The following ELOVL6 variants were observed in gnomAD, a reference collection of about 807,000 sequenced individuals.
ELOVL6 encodes the protein ELOVL fatty acid elongase 6, also known as very long chain fatty acid elongase 6.
ELOVL6 carries 8 observed loss-of-function variants against 31.7 expected under a neutral mutation model. That is an observed-to-expected ratio of 0.25 (90% CI 0.15 to 0.45). The LOEUF (loss-of-function observed/expected upper bound fraction) is 0.45, where lower values mean the gene tolerates loss of function less well. Ranked by LOEUF, ELOVL6 falls within the 20% of genes least tolerant of loss-of-function variation. ELOVL6 has a pLI of 1.00. For missense variants in ELOVL6, 126 were observed against 326.4 expected (o/e 0.39, Z 4.73); for synonymous variants, 101 against 117.7 (o/e 0.86, Z 0.92).
At chr4:110,084,218 CTTAT>C (rs767345185) in intron 2 of ELOVL6, among the ~76,000 whole-genome samples, 7,902 of 60,276 alleles carry the variant, frequency 0.13, 1,235 homozygotes, top group South Asian at 0.2. Context: ...TAACATATAA[CTTAT>C]ATGATATATA....
intron 1 of ELOVL6, among the ~76,000 whole-genome samples, chr4:110,179,362 T>C (rs1038836304): frequency 6.6e-6 from 1 of 151,716 alleles, no homozygotes; most frequent in African/African-American, 2.4e-5. Flanking sequence ...AAAAATTAGC[T>C]GGGTGTGGTG....
At chr4:110,103,932 C>T (rs1178004639) in intron 2 of ELOVL6, among the ~76,000 whole-genome samples, 2 of 152,096 alleles carry the variant, frequency 1.3e-5, no homozygotes, top group Non-Finnish European at 2.9e-5. Flanking sequence ...GAGTACTTAA[C>T]CTTTAGCCAT....
intron 2 of ELOVL6, among the ~76,000 whole-genome samples, chr4:110,101,677 G>A (rs772224279): frequency 1.3e-4 from 19 of 151,704 alleles, no homozygotes; most frequent in Admixed American, 2.0e-4. Flanking sequence ...TTATTCATTC[G>A]TTCATTTATT....
intron 1 of ELOVL6, among the ~76,000 whole-genome samples, chr4:110,183,490 A>T (rs181961476): frequency 4.1e-4 from 63 of 152,270 alleles, no homozygotes; most frequent in Non-Finnish European, 7.4e-4. Flanking sequence ...TTGAGACTAT[A>T]CCTCAGGCCA....
chr4:110,092,806 C>CAA (rs1420184957), intron 2 of ELOVL6, among the ~76,000 whole-genome samples: 1 of 151,986 alleles, frequency 6.6e-6, no homozygotes, highest in Admixed American at 6.6e-5. Context: ...TTGTAGTACA[C>CAA]ACACACACAC....
At chr4:110,167,747 G>A (rs1011446127) in intron 1 of ELOVL6, among the ~76,000 whole-genome samples, 2 of 152,032 alleles carry the variant, frequency 1.3e-5, no homozygotes, top group South Asian at 2.1e-4. Flanking sequence ...TGCTGCTCAG[G>A]CTGGTCTCAA....
At chr4:110,075,231 G>C (rs375689490) in intron 2 of ELOVL6, among the ~76,000 whole-genome samples, 1 of 152,294 alleles carries the variant, frequency 6.6e-6, no homozygotes, top group East Asian at 1.9e-4. Context: ...AAAAGAAATA[G>C]AATTGCCACA....
In ELOVL6 at chr4:110,045,981, T is replaced by C. The variant is rs1034249481; in HGVS notation, c.*5357A>G. ...GCTGTGATTTGCTCTGTGAGGCTTA[T>C]ATGGGTGGGCTTCCATATGAATATG... On this transcript the variant is annotated 3_prime_UTR_variant, in exon 4 of 4. Coordinates refer to ENST00000302274, the MANE Select transcript of ELOVL6 (RefSeq NM_024090.3). 3 of 152,198 alleles carry C rather than the reference T, an allele frequency of 2.0e-5. No homozygotes were observed. The highest frequency in any genetic ancestry group is 2.9e-5 in the Non-Finnish European group (2 of 68,040). 9.4% of individuals were successfully genotyped at this position (152,198 alleles called of 1,614,324 possible).
chr4:110,105,370 T>A, intron 2 of ELOVL6, 127 bp downstream of exon 2: 2 of 1,009,322 alleles, frequency 2.0e-6, no homozygotes, highest in Non-Finnish European at 2.9e-6. Flanking sequence ...GAACATGACT[T>A]TATTTTATGT....
intron 2 of ELOVL6, among the ~76,000 whole-genome samples, chr4:110,094,427 AT>A (rs1306822249): frequency 1.4e-4 from 9 of 63,986 alleles, no homozygotes; most frequent in African/African-American, 2.3e-4. Flanking sequence ...ATATATATAT[AT>A]ATATATATAT....
In ELOVL6 at chr4:110,068,964, G is replaced by A. The variant is rs112637598; in HGVS notation, c.222-9210C>T. Among the ~76,000 whole-genome samples the A allele has an allele frequency of 4.5e-3, 686 of 152,064 alleles. 3 individuals are homozygous for A. The highest frequency in any genetic ancestry group is 0.015 in the African/African-American group (633 of 41,500). On this transcript the variant is annotated intron_variant, in intron 2 of 3. Transcript: ENST00000302274. The stretch of plus-strand genomic sequence containing the variant: ...TTGAGACTGGCTTGGCTAACATGGC[G>A]AAACCTGTCTCTACTAAAAACACAA...
intron 3 of ELOVL6, among the ~76,000 whole-genome samples, chr4:110,057,822 G>C (rs1344035786): frequency 7.1e-6 from 1 of 141,140 alleles, no homozygotes; most frequent in African/African-American, 2.7e-5. Context: ...CTGCACTCCA[G>C]CCTCGGCAAC....
rs369101295 is a variant in ELOVL6 at position 110,105,489 on chromosome 4, A to C, written c.221+8T>G. On this transcript the variant is annotated splice_region_variant and intron_variant, in intron 2 of 3. Transcript: ENST00000302274. ...ATACGTTTTATTAGAAAAATGAAAA[A>C]AACCTACCTGAAGACTGCAAGGGTC... 6.2e-5 allele frequency: 99 copies of C among 1,589,270 alleles called. No individual in the cohort carries two copies. The highest frequency in any genetic ancestry group is 7.5e-5 in the Non-Finnish European group (88 of 1,172,368).
At chr4:110,196,179 C>T (rs1194763101) in intron 1 of ELOVL6, among the ~76,000 whole-genome samples, 2 of 152,186 alleles carry the variant, frequency 1.3e-5, no homozygotes, top group East Asian at 3.9e-4. Context: ...GGCGGGCGTA[C>T]AGTGAATGGG....
At chr4:110,175,262 A>G (rs1165502292) in intron 1 of ELOVL6, among the ~76,000 whole-genome samples, 1 of 152,084 alleles carries the variant, frequency 6.6e-6, no homozygotes. Context: ...GCACGCTTAT[A>G]ATCCCAGCTA....
chr4:110,131,925 T>C (rs1023650074), intron 1 of ELOVL6, among the ~76,000 whole-genome samples: 1 of 152,198 alleles, frequency 6.6e-6, no homozygotes, highest in Non-Finnish European at 1.5e-5. Context: ...ATTCTCTTGC[T>C]GAAATGGCCA....
chr4:110,090,600 C>T (rs117800675), intron 2 of ELOVL6, among the ~76,000 whole-genome samples: 1,853 of 103,268 alleles, frequency 0.018, 40 homozygotes, highest in African/African-American at 0.057. Flanking sequence ...GTTTGACTTT[C>T]TTTTTTTTTT....
chr4:110,079,008 G>C (rs1755746222), intron 2 of ELOVL6, among the ~76,000 whole-genome samples: 2 of 152,102 alleles, frequency 1.3e-5, no homozygotes, highest in Admixed American at 1.3e-4. Context: ...ATTACATAAT[G>C]GTAAAGGGAT....
chr4:110,115,555 G>A (rs1362652616), intron 1 of ELOVL6, among the ~76,000 whole-genome samples: 1 of 151,990 alleles, frequency 6.6e-6, no homozygotes, highest in Non-Finnish European at 1.5e-5. Flanking sequence ...GCCAGCCTGG[G>A]TAATATGGTG....
Sources: gnomAD v4.1 joint callset for allele counts (sites outside exome capture counted in the v4.1 genomes callset) on GRCh38, gnomAD v4.1.1 for gene constraint, MANE v1.5 for transcripts, NCBI Gene and HGNC (gene_info 2026-07-23, HGNC 2026-07-21) for gene names.